Variants in RNLS observed in about 807,000 individuals in gnomAD.
RNLS encodes renalase.
RNLS carries 39 observed loss-of-function variants against 39.8 expected under a neutral mutation model. The observed-to-expected ratio is 0.98, with a 90% CI of 0.76 to 1.28. The LOEUF (loss-of-function observed/expected upper bound fraction) is 1.28, where lower values mean the gene tolerates loss of function less well. Among genes scored for constraint, RNLS ranks in the 50% most tolerant of loss-of-function variants. RNLS has a pLI of 0.00. For synonymous variants in RNLS, 147 were observed against 150.7 expected (o/e 0.98, Z 0.18); for missense variants, 410 against 413.3 (o/e 0.99, Z 0.07).
intron 4 of RNLS, among the ~76,000 whole-genome samples, chr10:88,568,521 GTTGTT>G (rs971248558): frequency 6.6e-6 from 1 of 151,978 alleles, no homozygotes; most frequent in East Asian, 1.9e-4. Flanking sequence ...GTGTGTCGTT[GTTGTT>G]TTGTTTTGTT....
At chr10:88,459,739 A>G (rs1430296628) in intron 4 of RNLS, among the ~76,000 whole-genome samples, 1 of 152,188 alleles carries the variant, frequency 6.6e-6, no homozygotes, top group Non-Finnish European at 1.5e-5. Flanking sequence ...ACTTCTTTCC[A>G]GCACAGTTTA....
intron 5 of RNLS, among the ~76,000 whole-genome samples, chr10:88,328,277 T>C (rs1411977280): frequency 3.4e-5 from 4 of 118,630 alleles, no homozygotes; most frequent in African/African-American, 1.1e-4. Context: ...AATTGCATTA[T>C]GATTTTTTTT....
intron 4 of RNLS, among the ~76,000 whole-genome samples, chr10:88,382,700 G>A (rs1582223): frequency 0.9 from 136,635 of 152,150 alleles, 61,490 homozygotes; most frequent in Non-Finnish European, 0.92. Flanking sequence ...GACAAGGCAA[G>A]TAATTTTGAG....
the RNLS span, among the ~76,000 whole-genome samples, chr10:88,234,244 G>A: frequency 6.6e-6 from 1 of 151,706 alleles, no homozygotes; most frequent in Non-Finnish European, 1.5e-5. Flanking sequence ...TTCCCTCATC[G>A]CAATGCTCCC....
intron 4 of RNLS, among the ~76,000 whole-genome samples, chr10:88,555,233 T>C (rs1321215006): frequency 6.6e-6 from 1 of 152,058 alleles, no homozygotes; most frequent in Non-Finnish European, 1.5e-5. Context: ...ATTTGTTTCT[T>C]GAGCCTTCTC....
At chr10:88,183,583 A>G in the RNLS span, among the ~76,000 whole-genome samples, 1 of 152,174 alleles carries the variant, frequency 6.6e-6, no homozygotes, top group Admixed American at 6.5e-5. Context: ...AAAAAAATCC[A>G]TACTACTTTG....
At chr10:88,565,532 A>G (rs1402689642) in intron 4 of RNLS, among the ~76,000 whole-genome samples, 1 of 152,138 alleles carries the variant, frequency 6.6e-6, no homozygotes, top group Non-Finnish European at 1.5e-5. Flanking sequence ...ACACAAAATG[A>G]TTTCCATGGG....
At chr10:88,414,307 T>G (rs1853882093) in intron 4 of RNLS, among the ~76,000 whole-genome samples, 1 of 152,148 alleles carries the variant, frequency 6.6e-6, no homozygotes, top group South Asian at 2.1e-4. Flanking sequence ...GGCTTCATTT[T>G]AGGAATGAGG....
chr10:88,558,540 A>G (rs552826722), intron 4 of RNLS, among the ~76,000 whole-genome samples: 2 of 152,226 alleles, frequency 1.3e-5, no homozygotes, highest in South Asian at 4.1e-4. Flanking sequence ...CCAGGAGCAG[A>G]AGTGAGTAAT....
downstream of RNLS, among the ~76,000 whole-genome samples, chr10:88,269,779 A>G (rs1842599567): frequency 6.6e-6 from 1 of 152,222 alleles, no homozygotes; most frequent in African/African-American, 2.4e-5. Context: ...TGATTTATGT[A>G]CACAACAATA....
chr10:88,467,919 G>T (rs1297804287), intron 4 of RNLS, among the ~76,000 whole-genome samples: 1 of 152,200 alleles, frequency 6.6e-6, no homozygotes, highest in Non-Finnish European at 1.5e-5. Context: ...CAGGAGATCT[G>T]CATGCATATT....
intron 4 of RNLS, among the ~76,000 whole-genome samples, chr10:88,412,266 T>C (rs1473744561): frequency 6.6e-6 from 1 of 152,088 alleles, no homozygotes; most frequent in Non-Finnish European, 1.5e-5. Flanking sequence ...GTGGATCCTA[T>C]TATTTTACTA....
At chr10:88,436,426 C>G (rs1841415382) in intron 4 of RNLS, among the ~76,000 whole-genome samples, 1 of 152,106 alleles carries the variant, frequency 6.6e-6, no homozygotes, top group South Asian at 2.1e-4. Context: ...CAAATTCTAG[C>G]CCCCTGTTCC....
chr10:88,359,009 C>T (rs905532888), intron 5 of RNLS, among the ~76,000 whole-genome samples: 4 of 152,128 alleles, frequency 2.6e-5, no homozygotes, highest in Admixed American at 2.6e-4. Flanking sequence ...GGTAGTGTTA[C>T]TGGCATAAAG....
At chr10:88,512,487 C>G (rs372882110) in intron 4 of RNLS, among the ~76,000 whole-genome samples, 1 of 152,164 alleles carries the variant, frequency 6.6e-6, no homozygotes, top group Non-Finnish European at 1.5e-5. Flanking sequence ...TACAGGCTCC[C>G]CATTAAGCCA....
At chr10:88,526,114 AACT>A in intron 4 of RNLS, among the ~76,000 whole-genome samples, 1 of 152,172 alleles carries the variant, frequency 6.6e-6, no homozygotes, top group Admixed American at 6.6e-5. Context: ...ATAGCATCTC[AACT>A]ACTGCAAATA....
intron 5 of RNLS, among the ~76,000 whole-genome samples, chr10:88,335,180 T>C (rs552941158): frequency 4.5e-4 from 68 of 152,088 alleles, no homozygotes; most frequent in Non-Finnish European, 7.7e-4. Context: ...TGTATACTGG[T>C]ACATTGACTT....
chr10:88,312,852 C>A (rs951903926), intron 6 of RNLS, among the ~76,000 whole-genome samples: 1 of 151,880 alleles, frequency 6.6e-6, no homozygotes, highest in Non-Finnish European at 1.5e-5. Flanking sequence ...TGCCCCCTAC[C>A]CTCCCACATT....
rs560945185 is a variant in RNLS at position 88,437,963 on chromosome 10, C to T, written c.527-75238G>A. Among the ~76,000 whole-genome samples, 107 of 152,052 alleles carry T rather than the reference C, an allele frequency of 7.0e-4. 1 individual carries two copies. In the South Asian group the frequency reaches 8.3e-3, roughly 12 times the overall value. On this transcript the variant is annotated intron_variant, in intron 4 of 6. Transcript: ENST00000331772. ...CCAGCATGGAGAAACCCCGTCTCTA[C>T]TAAAAATACAAAATTAGCTGGGCGT...
Sources: gnomAD v4.1 joint callset for allele counts (sites outside exome capture counted in the v4.1 genomes callset) on GRCh38, gnomAD v4.1.1 for gene constraint, MANE v1.5 for transcripts, NCBI Gene and HGNC (gene_info 2026-07-23, HGNC 2026-07-21) for gene names.